Variants in GUCY1A1 observed in about 807,000 individuals in gnomAD.
The protein encoded by GUCY1A1 is guanylate cyclase 1 soluble subunit alpha 1.
A neutral mutation model predicts 64.5 loss-of-function variants in GUCY1A1; 48 were observed. The ratio of observed to expected loss-of-function variants is 0.74; its 90% CI spans 0.59 to 0.95. GUCY1A1 has a LOEUF of 0.95. Ranked by LOEUF, GUCY1A1 falls within the 40% of genes least tolerant of loss-of-function variation. The pLI, the probability that GUCY1A1 is intolerant of heterozygous loss-of-function variation, is 0.00. For synonymous variants in GUCY1A1, 308 were observed against 303.4 expected (o/e 1.02, Z -0.16); for missense variants, 804 against 825.3 (o/e 0.97, Z 0.32).
chr4:155,711,865 G>C (rs1261954151), intron 6 of GUCY1A1, among the ~76,000 whole-genome samples: 1 of 151,926 alleles, frequency 6.6e-6, no homozygotes, highest in African/African-American at 2.4e-5. Flanking sequence ...TCCCCAAAAG[G>C]AAAACAGCTT....
intron 2 of GUCY1A1, among the ~76,000 whole-genome samples, chr4:155,694,072 A>G (rs1730109298): frequency 6.6e-6 from 1 of 152,110 alleles, no homozygotes; most frequent in Admixed American, 6.6e-5. Context: ...TTTTGTTTTT[A>G]TGTACCCTTT....
At chr4:155,709,982 A>G (rs1219043352) in intron 5 of GUCY1A1, among the ~76,000 whole-genome samples, 1 of 152,246 alleles carries the variant, frequency 6.6e-6, no homozygotes, top group African/African-American at 2.4e-5. Flanking sequence ...TGAAAATGCT[A>G]TAGAAAGTAA....
rs1279145326 is a variant in GUCY1A1, at chr4:155,733,782, G to A, written c.*3551G>A. ...GCATCAAGTCTTAAAGGAAGAGAATGGTATGATCAGATGTGTGTTTTCCAA... is the reference window on the plus strand; with the variant it reads ...GCATCAAGTCTTAAAGGAAGAGAATAGTATGATCAGATGTGTGTTTTCCAA... On this transcript the variant is annotated 3_prime_UTR_variant, in exon 10 of 10. Transcript: ENST00000506455. Among the ~76,000 whole-genome samples, 2 of 151,432 alleles carry A rather than the reference G, an allele frequency of 1.3e-5. No homozygotes were observed. Among genetic ancestry groups the A allele is most frequent in the East Asian group, 1.9e-4 (1 of 5,142 alleles).
Position 155,713,507 on chromosome 4 carries a change from C to A in GUCY1A1, c.1496C>A (p.Pro499Gln), listed in dbSNP as rs773825636. The A allele has an allele frequency of 2.5e-6, 4 of 1,614,052 alleles. No homozygotes were observed. The highest frequency in any genetic ancestry group is 1.1e-5 in the South Asian group (1 of 91,084). ...ACTGCCATCTGCTCCCAGTGCTCAC[C>A]GCTGCAGGTCATCACCATGCTCAAT... ...GFTAICSQCS[P>Q]LQVITMLNAL... The change falls in exon 7 of 10, where the codon CCG (proline) becomes CAG (glutamine). Residue 499 changes from proline to glutamine, a missense_variant. Coordinates refer to ENST00000506455, the MANE Select transcript of GUCY1A1 (RefSeq NM_001130682.3).
At chr4:155,711,479 T>C in intron 6 of GUCY1A1, 1 of 346,878 alleles carries the variant, frequency 2.9e-6, no homozygotes, top group Non-Finnish European at 5.2e-6. Flanking sequence ...AGTCTGCCTT[T>C]TAATATCTTT....
At chr4:155,672,071 T>G (rs970607313) in intron 2 of GUCY1A1, among the ~76,000 whole-genome samples, 41 of 148,862 alleles carry the variant, frequency 2.8e-4, no homozygotes, top group African/African-American at 9.5e-4. Flanking sequence ...TTTTTGCACA[T>G]TCTTCTGCAA....
intron 2 of GUCY1A1, among the ~76,000 whole-genome samples, chr4:155,678,617 G>A (rs533720516): frequency 2.0e-5 from 3 of 152,258 alleles, no homozygotes; most frequent in Admixed American, 1.3e-4. Flanking sequence ...TAATGGAACC[G>A]GTATTTGTAG....
At chr4:155,698,813 G>C (rs557827942) in intron 3 of GUCY1A1, among the ~76,000 whole-genome samples, 1 of 152,186 alleles carries the variant, frequency 6.6e-6, no homozygotes, top group Admixed American at 6.5e-5. Context: ...TGAATTTGCT[G>C]ATTCTTTGGC....
chr4:155,718,235 C>T (rs1011551316), intron 8 of GUCY1A1, among the ~76,000 whole-genome samples: 6 of 151,854 alleles, frequency 4.0e-5, no homozygotes, highest in African/African-American at 4.8e-5. Context: ...AAATCTTATC[C>T]GGTATGCTAT....
chr4:155,707,836 TTTC>T (rs1339455058), intron 4 of GUCY1A1, among the ~76,000 whole-genome samples: 6 of 71,530 alleles, frequency 8.4e-5, no homozygotes, highest in Non-Finnish European at 1.6e-4. Flanking sequence ...TCTTTCTTTC[TTTC>T]TTTTTTTTTT....
At chr4:155,691,246 A>T (rs1454264556) in intron 2 of GUCY1A1, among the ~76,000 whole-genome samples, 2 of 152,186 alleles carry the variant, frequency 1.3e-5, no homozygotes, top group Non-Finnish European at 2.9e-5. Flanking sequence ...GAGAGGAATG[A>T]TGGGATGAAG....
At position 155,716,308 on chromosome 4, in the gene GUCY1A1, G is replaced by C. The variant is rs868399602; in HGVS notation, c.1573-851G>C. Reference sequence around the variant, plus strand: ...TCACCCTCATCCTTTCACAATTGAGGCTTTGTGTAAGAATAATAGGGTCTT... The same window carrying C: ...TCACCCTCATCCTTTCACAATTGAGCCTTTGTGTAAGAATAATAGGGTCTT... On this transcript the variant is annotated intron_variant, in intron 7 of 9. Coordinates refer to ENST00000506455, the MANE Select transcript of GUCY1A1 (RefSeq NM_001130682.3). 3.0e-4 allele frequency among the ~76,000 whole-genome samples: 45 copies of C among 152,018 alleles called. 1 individual carries two copies. The highest frequency in any genetic ancestry group is 9.7e-4 in the African/African-American group (40 of 41,390).
intron 9 of GUCY1A1, 122 bp downstream of exon 9, chr4:155,722,314 A>T (rs767193709): frequency 1.4e-6 from 2 of 1,454,082 alleles, no homozygotes; most frequent in Non-Finnish European, 1.8e-6. Flanking sequence ...GAAAAAAGAA[A>T]CGTGATAACT....
intron 7 of GUCY1A1, among the ~76,000 whole-genome samples, chr4:155,714,660 A>G (rs1376921475): frequency 4.6e-5 from 7 of 152,344 alleles, no homozygotes; most frequent in South Asian, 2.1e-4. Context: ...CAGGAAATAA[A>G]TAAATTATTG....
At chr4:155,719,974 C>T (rs1005736943) in intron 8 of GUCY1A1, among the ~76,000 whole-genome samples, 2 of 152,132 alleles carry the variant, frequency 1.3e-5, no homozygotes, top group African/African-American at 2.4e-5. Flanking sequence ...GCTCAGGGCA[C>T]GATGTGTGTC....
intron 3 of GUCY1A1, among the ~76,000 whole-genome samples, chr4:155,703,439 G>T (rs1422959843): frequency 2.6e-5 from 4 of 152,162 alleles, no homozygotes; most frequent in Admixed American, 6.6e-5. Context: ...ATAGTTAAGG[G>T]CAGAGAGTCA....
intron 2 of GUCY1A1, among the ~76,000 whole-genome samples, chr4:155,682,699 A>AGT (rs60103633): frequency 0.3 from 43,476 of 146,562 alleles, 6,678 homozygotes; most frequent in East Asian, 0.53. Flanking sequence ...AAGAAAATTC[A>AGT]GTGTGTGTGT....
At chr4:155,711,311 A>G (rs750003702) in intron 6 of GUCY1A1, 60 bp downstream of exon 6, 41 of 857,372 alleles carry the variant, frequency 4.8e-5, no homozygotes, top group African/African-American at 2.5e-4. Context: ...AGAGCAAGAA[A>G]CAAAAGGGTA....
In GUCY1A1 at chr4:155,703,999, T is replaced by C; in HGVS notation, c.317+6T>C. On this transcript the variant is annotated splice_donor_region_variant and intron_variant, in intron 4 of 9. Coordinates refer to ENST00000506455, the MANE Select transcript of GUCY1A1 (RefSeq NM_001130682.3). Reference sequence around the variant, plus strand: ...CACAAAATAAAAGAAAGCAGGTAAGTCAAACCACTTTAGTTGTGTGAACCT... The same window carrying C: ...CACAAAATAAAAGAAAGCAGGTAAGCCAAACCACTTTAGTTGTGTGAACCT... 6.3e-7 allele frequency: 1 copy of C among 1,578,350 alleles called. No individual in the cohort carries two copies. Among genetic ancestry groups the C allele is most frequent in the Admixed American group, 1.7e-5 (1 of 57,842 alleles).
Sources: allele counts gnomAD v4.1 joint callset (sites outside exome capture counted in the v4.1 genomes callset), GRCh38; gene constraint gnomAD v4.1.1; transcripts MANE v1.5; gene names NCBI Gene and HGNC (gene_info 2026-07-23, HGNC 2026-07-21).